The following AP4S1 variants were observed in gnomAD, a reference collection of about 807,000 sequenced individuals.
AP4S1 encodes the protein adaptor related protein complex 4 subunit sigma 1, also known as AP-4 complex subunit sigma-1.
A neutral mutation model predicts 19.8 loss-of-function variants in AP4S1; 23 were observed. The ratio of observed to expected loss-of-function variants is 1.16; its 90% CI spans 0.84 to 1.65. The LOEUF (loss-of-function observed/expected upper bound fraction) is 1.65, where lower values mean the gene tolerates loss of function less well. Among genes scored for constraint, AP4S1 ranks in the 40% most tolerant of loss-of-function variants. AP4S1 has a pLI of 0.00. For missense variants in AP4S1, 166 were observed against 172.8 expected (o/e 0.96, Z 0.22); for synonymous variants, 46 against 54.1 (o/e 0.85, Z 0.66).
chr14:31,085,627 C>A, intron 5 of AP4S1: 5 of 762,102 alleles, frequency 6.6e-6, no homozygotes, highest in Non-Finnish European at 8.0e-6. Context: ...ATTTAAAAAG[C>A]CAGGCATTGG....
At chr14:31,082,520 C>T (rs970974291) in intron 5 of AP4S1, among the ~76,000 whole-genome samples, 1 of 152,190 alleles carries the variant, frequency 6.6e-6, no homozygotes, top group East Asian at 1.9e-4. Flanking sequence ...AACTCAATTT[C>T]CACTTTTGGT....
chr14:31,035,540 A>G (rs1004772644), intron 1 of AP4S1, among the ~76,000 whole-genome samples: 1 of 151,080 alleles, frequency 6.6e-6, no homozygotes, highest in East Asian at 1.9e-4. Flanking sequence ...GATTTCCCCC[A>G]ATATCTCAAA....
At position 31,025,783 on chromosome 14, in the gene AP4S1, C is replaced by A; in HGVS notation, c.-76C>A. On this transcript the variant is annotated 5_prime_UTR_variant, in exon 1 of 6. Coordinates refer to ENST00000542754, the MANE Select transcript of AP4S1 (RefSeq NM_001128126.3). ...GAGAGGACCATCACAACCTGAGCAG[C>A]ACAGGTAGGTTCCGCTCGGCCTCCC... is the stretch of plus-strand genomic sequence containing the variant. 7.3e-7 allele frequency: 1 copy of A among 1,370,886 alleles called. No homozygotes were observed. 84.9% of individuals were successfully genotyped at this position (1,370,886 alleles called of 1,614,324 possible).
At chr14:31,087,905 C>T (rs771858294) in intron 5 of AP4S1, among the ~76,000 whole-genome samples, 1 of 152,176 alleles carries the variant, frequency 6.6e-6, no homozygotes, top group Non-Finnish European at 1.5e-5. Context: ...TTCAAAACAT[C>T]TTTTTTCCTT....
chr14:31,025,812 G>C, intron 1 of AP4S1, 25 bp downstream of exon 1: 3 of 1,514,448 alleles, frequency 2.0e-6, no homozygotes, highest in Middle Eastern at 2.2e-4. Context: ...GCCTCCCAAG[G>C]CGCCGGCTCC....
chr14:31,083,196 C>G (rs996968719), intron 5 of AP4S1, among the ~76,000 whole-genome samples: 2 of 152,126 alleles, frequency 1.3e-5, no homozygotes, highest in Non-Finnish European at 2.9e-5. Context: ...CTCCAGCATT[C>G]TTGTTTGAAT....
chr14:31,092,883 C>CCG (rs1251729047), intron 5 of AP4S1, 24 bp from the exon 6 acceptor site: 1 of 1,461,216 alleles, frequency 6.8e-7, no homozygotes, highest in Non-Finnish European at 9.1e-7. Context: ...TAACTTTAAA[C>CCG]TAATTTCCTT....
chr14:31,035,817 C>T (rs1400087120), intron 1 of AP4S1, among the ~76,000 whole-genome samples: 1 of 149,524 alleles, frequency 6.7e-6, no homozygotes, highest in Non-Finnish European at 1.5e-5. Flanking sequence ...GCAACTTCCG[C>T]CTCCTGGGTT....
At chr14:31,073,258 A>G in intron 4 of AP4S1, 1 of 350,018 alleles carries the variant, frequency 2.9e-6, no homozygotes, top group East Asian at 6.9e-5. Context: ...TGGGAGGCTA[A>G]GGTGGGCAGA....
intron 1 of AP4S1, among the ~76,000 whole-genome samples, chr14:31,065,143 C>A (rs539691833): frequency 2.6e-5 from 4 of 152,090 alleles, no homozygotes; most frequent in Admixed American, 6.6e-5. Context: ...AAAATAAAGC[C>A]CAAATTCCTT....
rs763713689 is a variant in AP4S1, at chr14:31,066,294, C to A, written c.98C>A (p.Thr33Lys). The A allele has an allele frequency of 1.9e-6, 3 of 1,613,858 alleles. No homozygotes were observed. Among genetic ancestry groups the A allele is most frequent in the Non-Finnish European group, 2.5e-6 (3 of 1,179,958 alleles). ...ATTAATAAGCGTACACTTCTGGAAA[C>A]AGAAGTCATAAAGAGCTGTCTCTCT... ...VDINKRTLLE[T>K]EVIKSCLSRS... The change falls in exon 2 of 6, where the codon ACA (threonine) becomes AAA (lysine). Residue 33 changes from threonine (T) to lysine (K), a missense_variant. Transcript: ENST00000542754.
intron 5 of AP4S1, chr14:31,085,741 C>A (rs1887894873): frequency 2.3e-6 from 2 of 882,430 alleles, no homozygotes; most frequent in Non-Finnish European, 2.7e-6. Context: ...CTACTGCACT[C>A]CAATCTGGCA....
At chr14:31,065,850 C>T (rs1594679899) in intron 1 of AP4S1, among the ~76,000 whole-genome samples, 2 of 151,936 alleles carry the variant, frequency 1.3e-5, no homozygotes, top group Admixed American at 6.6e-5. Context: ...TTAGTAGAGA[C>T]AGGGTTTCAC....
In AP4S1 at chr14:31,043,682, T is replaced by G. The variant is rs1885238438; in HGVS notation, c.-72+17895T>G. On this transcript the variant is annotated intron_variant, in intron 1 of 5. Coordinates refer to ENST00000542754, the MANE Select transcript of AP4S1 (RefSeq NM_001128126.3). Reference sequence around the variant, plus strand: ...AATCATCGTAGAATTCAAGTAAATTTTGAGGCAAAGAAACAATGTTTTTGT... The same window carrying G: ...AATCATCGTAGAATTCAAGTAAATTGTGAGGCAAAGAAACAATGTTTTTGT... 1.3e-5 allele frequency among the ~76,000 whole-genome samples: 2 copies of G among 152,216 alleles called. 1 individual carries two copies. Among genetic ancestry groups the G allele is most frequent in the Non-Finnish European group, 2.9e-5 (2 of 68,046 alleles).
At chr14:31,044,242 T>A (rs1027230207) in intron 1 of AP4S1, among the ~76,000 whole-genome samples, 6 of 152,226 alleles carry the variant, frequency 3.9e-5, no homozygotes, top group Non-Finnish European at 7.3e-5. Flanking sequence ...CCCTTCCTTT[T>A]CTACTTATTA....
chr14:31,045,468 T>G (rs965990823), intron 1 of AP4S1, among the ~76,000 whole-genome samples: 2 of 152,118 alleles, frequency 1.3e-5, no homozygotes, highest in Non-Finnish European at 2.9e-5. Context: ...CTGTGACCCT[T>G]TCCCCCTTCA....
At chr14:31,025,165 A>T (rs1182828933), upstream of AP4S1, 1 of 152,154 alleles carries the variant, frequency 6.6e-6, no homozygotes, top group Non-Finnish European at 1.5e-5. Flanking sequence ...TTTTTTATAG[A>T]TAAAGAAACG....
intron 5 of AP4S1, among the ~76,000 whole-genome samples, chr14:31,088,462 G>A (rs1266855298): frequency 6.6e-6 from 1 of 152,064 alleles, no homozygotes; most frequent in African/African-American, 2.4e-5. Flanking sequence ...CCACAGCTGG[G>A]TATCCTGTTG....
intron 5 of AP4S1, among the ~76,000 whole-genome samples, chr14:31,092,687 A>C (rs1379200007): frequency 6.6e-6 from 1 of 152,144 alleles, no homozygotes; most frequent in African/African-American, 2.4e-5. Context: ...TTTTATCCCT[A>C]CTTATCCTGT....
Sources: gnomAD v4.1 joint callset for allele counts (sites outside exome capture counted in the v4.1 genomes callset) on GRCh38, gnomAD v4.1.1 for gene constraint, MANE v1.5 for transcripts, NCBI Gene and HGNC (gene_info 2026-07-23, HGNC 2026-07-21) for gene names.